The following NAALAD2 variants were observed in gnomAD, a reference collection of about 807,000 sequenced individuals.
NAALAD2 encodes the protein N-acetylated-alpha-linked acidic dipeptidase 2.
Under a neutral mutation model 95.6 loss-of-function variants are expected in NAALAD2, and 89 were observed. The ratio of observed to expected loss-of-function variants is 0.93; its 90% confidence interval spans 0.78 to 1.11. NAALAD2 has a LOEUF of 1.11. Among genes scored for constraint, NAALAD2 ranks in the 50% least tolerant of loss-of-function variants. The pLI is 0.00. For missense variants in NAALAD2, 894 were observed against 872.4 expected (o/e 1.02, Z -0.31); for synonymous variants, 264 against 294.4 (o/e 0.90, Z 1.06).
intron 5 of NAALAD2, among the ~76,000 whole-genome samples, chr11:90,150,976 A>G (rs1408524276): frequency 1.3e-5 from 2 of 152,134 alleles, no homozygotes; most frequent in Non-Finnish European, 2.9e-5. Context: ...CTGTCCCTAT[A>G]TGTCCATTTT....
intron 11 of NAALAD2, among the ~76,000 whole-genome samples, chr11:90,167,269 GC>G (rs1161005119): frequency 6.6e-6 from 1 of 152,148 alleles, no homozygotes; most frequent in African/African-American, 2.4e-5. Flanking sequence ...GGCTCAGCGG[GC>G]CCGCCCTCGG....
chr11:90,162,429 C>G (rs370789363), intron 8 of NAALAD2: 2 of 152,008 alleles, frequency 1.3e-5, no homozygotes, highest in Non-Finnish European at 2.9e-5. Context: ...ATAGGTGGCA[C>G]TCAACCAGCT....
chr11:90,155,826 AAT>A (rs1339205345), intron 6 of NAALAD2, among the ~76,000 whole-genome samples: 1 of 113,676 alleles, frequency 8.8e-6, no homozygotes, highest in Non-Finnish European at 1.7e-5. Context: ...ATATATATGT[AAT>A]ATATGTAATA....
chr11:90,174,464 C>T (rs879589094), intron 14 of NAALAD2, among the ~76,000 whole-genome samples: 5 of 152,068 alleles, frequency 3.3e-5, no homozygotes, highest in Admixed American at 1.3e-4. Flanking sequence ...AGTTTCGCTA[C>T]ATTATTAGCC....
chr11:90,137,223 C>T (rs2155055), intron 2 of NAALAD2, among the ~76,000 whole-genome samples: 68,121 of 151,542 alleles, frequency 0.45, 16,251 homozygotes, highest in African/African-American at 0.61. Context: ...GTGAGGAGGG[C>T]AGACAATACT....
chr11:90,145,194 A>C (rs1951720653), intron 2 of NAALAD2, among the ~76,000 whole-genome samples: 1 of 152,176 alleles, frequency 6.6e-6, no homozygotes, highest in Non-Finnish European at 1.5e-5. Context: ...TAGTTGTTCT[A>C]GTTTGTACTT....
chr11:90,185,943 G>A (rs1428593020), intron 18 of NAALAD2, among the ~76,000 whole-genome samples: 1 of 148,312 alleles, frequency 6.7e-6, no homozygotes, highest in African/African-American at 2.5e-5. Flanking sequence ...TGCCTTTTCT[G>A]GCTCATTGGC....
At chr11:90,185,341 T>G (rs1857103822) in intron 18 of NAALAD2, among the ~76,000 whole-genome samples, 1 of 152,150 alleles carries the variant, frequency 6.6e-6, no homozygotes, top group Non-Finnish European at 1.5e-5. Flanking sequence ...AAATAATGTA[T>G]GGGACCATAC....
chr11:90,157,968 C>T (rs1186267063), intron 6 of NAALAD2, among the ~76,000 whole-genome samples, 177 bp from the exon 7 acceptor site: 1 of 152,194 alleles, frequency 6.6e-6, no homozygotes, highest in Non-Finnish European at 1.5e-5. Flanking sequence ...ATCCGCCCAC[C>T]TCTGCCTCCG....
intron 16 of NAALAD2, among the ~76,000 whole-genome samples, chr11:90,180,085 G>T (rs1952916074): frequency 6.6e-6 from 1 of 151,646 alleles, no homozygotes; most frequent in Non-Finnish European, 1.5e-5. Context: ...ATGAATGAAT[G>T]AATGAATGAA....
chr11:90,149,080 T>C lies in NAALAD2; in HGVS notation c.456T>C (p.Asn152=). 6.2e-7 allele frequency: 1 copy of C among 1,601,886 alleles called. No homozygotes were observed. Among genetic ancestry groups the C allele is most frequent in the Non-Finnish European group, 8.5e-7 (1 of 1,172,842 alleles). ...TTACAAATATTGTGCCACCATATAA[T>C]GCTTTCTCAGCCCAAGGCATGCCAG... The part of the protein sequence containing the change: ...ENVTNIVPPY[N]AFSAQGMPEG... Residue 152 remains asparagine (N), a synonymous_variant, in exon 4 of 19, where the codon AAT becomes AAC. Transcript: ENST00000534061.
chr11:90,166,845 A>AG (rs1952467509), intron 11 of NAALAD2, among the ~76,000 whole-genome samples: 1 of 132,336 alleles, frequency 7.6e-6, no homozygotes, highest in African/African-American at 3.0e-5. Flanking sequence ...CAAAAAAAAA[A>AG]AAAAAAAGAA....
rs1356003225 is a variant in NAALAD2, at chr11:90,183,017, A to T, written c.2033+9A>T. On this transcript the variant is annotated intron_variant, in intron 18 of 18. Coordinates refer to ENST00000534061, the MANE Select transcript of NAALAD2 (RefSeq NM_005467.4). ...GGAAAGCTGTTCTATAGGTAAGGAA[A>T]CAACAGGCGCCAAATACATCACTGT... The T allele has an allele frequency of 1.9e-6, 3 of 1,602,938 alleles. No homozygotes were observed. The Admixed American group carries it at 5.0e-5, about 27-fold the overall frequency.
chr11:90,140,601 C>G (rs1041690974), intron 2 of NAALAD2, among the ~76,000 whole-genome samples: 1 of 151,950 alleles, frequency 6.6e-6, no homozygotes, highest in Non-Finnish European at 1.5e-5. Flanking sequence ...CAAGGGTCAA[C>G]TCTATTCTAG....
At chr11:90,167,997 A>T (rs1021913562) in intron 11 of NAALAD2, among the ~76,000 whole-genome samples, 2 of 152,080 alleles carry the variant, frequency 1.3e-5, no homozygotes, top group Admixed American at 6.5e-5. Flanking sequence ...GTTGTGAAAG[A>T]TTTGTTCTTT....
Position 90,192,837 on chromosome 11 carries a change from C to T in NAALAD2, c.*1090C>T, listed in dbSNP as rs1374124023. Reference sequence around the variant, plus strand: ...AACTTTTATGCAGATCCCAGTGACTCAATTACATGTTCAACTATGATTAAA... The same window carrying T: ...AACTTTTATGCAGATCCCAGTGACTTAATTACATGTTCAACTATGATTAAA... On this transcript the variant is annotated 3_prime_UTR_variant, in exon 19 of 19. Transcript: ENST00000534061. The T allele has an allele frequency of 4.6e-5, 7 of 151,968 alleles. No individual in the cohort carries two copies. The highest frequency in any genetic ancestry group is 3.9e-4 in the Admixed American group (6 of 15,220). 9.4% of individuals were successfully genotyped at this position (151,968 alleles called of 1,614,324 possible).
chr11:90,175,657 T>A (rs935170798), intron 14 of NAALAD2, among the ~76,000 whole-genome samples: 3 of 152,178 alleles, frequency 2.0e-5, no homozygotes, highest in Non-Finnish European at 4.4e-5. Context: ...GCTGAAGATA[T>A]GATGGAGAGC....
Position 90,163,561 on chromosome 11 carries a change from T to A in NAALAD2, c.1222T>A (p.Phe408Ile). ...CTGGAGACCTAGAAGAACTATCATT[T>A]TTGCCAGCTGGGATGCAGAAGAATT... The part of the protein sequence containing the change: ...KGWRPRRTII[F>I]ASWDAEEFGL... Residue 408 changes from phenylalanine (F) to isoleucine (I), a missense_variant, in exon 11 of 19, where the codon TTT (phenylalanine) becomes ATT (isoleucine). Physicochemically the swap from Phe to Ile is conservative, Grantham distance 21 (BLOSUM62 0). Transcript: ENST00000534061. 1 of 1,614,082 alleles carries A rather than the reference T, an allele frequency of 6.2e-7. No homozygotes were observed. The highest frequency in any genetic ancestry group is 8.5e-7 in the Non-Finnish European group (1 of 1,179,960).
At position 90,177,913 on chromosome 11, in the gene NAALAD2, G is replaced by T; in HGVS notation, c.1654G>T (p.Val552Leu). The change falls in exon 16 of 19, where the codon GTA becomes TTA. Residue 552 changes from valine (V) to leucine (L), a missense_variant. Coordinates refer to ENST00000534061, the MANE Select transcript of NAALAD2 (RefSeq NM_005467.4). ...CACAATTTATGAGACATTTGAATTG[G>T]TAGAGAAATTTTATGACCCCACATT... ...YHTIYETFEL[V>L]EKFYDPTFKK... 1 of 1,613,650 alleles carries T rather than the reference G, an allele frequency of 6.2e-7. No individual in the cohort carries two copies. The highest frequency in any genetic ancestry group is 1.3e-5 in the African/African-American group (1 of 74,902).
Sources: gnomAD v4.1 joint callset for allele counts (sites outside exome capture counted in the v4.1 genomes callset) on GRCh38, gnomAD v4.1.1 for gene constraint, MANE v1.5 for transcripts, NCBI Gene and HGNC (gene_info 2026-07-23, HGNC 2026-07-21) for gene names.